The following TNIK variants were observed in gnomAD, a reference collection of about 807,000 sequenced individuals.
TNIK encodes the protein TRAF2 and NCK interacting kinase.
In TNIK, 49 loss-of-function variants were observed where a neutral mutation model predicts 191.3. The ratio of observed to expected loss-of-function variants is 0.26; its 90% CI spans 0.20 to 0.32. The LOEUF is 0.32. Ranked by LOEUF, TNIK falls within the 10% of genes least tolerant of loss-of-function variation. TNIK has a pLI of 1.00. For synonymous variants in TNIK, 594 were observed against 600.9 expected (o/e 0.99, Z 0.17); for missense variants, 1,155 against 1,702.3 (o/e 0.68, Z 5.66).
At chr3:171,196,685 T>A (rs980830589) in intron 4 of TNIK, among the ~76,000 whole-genome samples, 10 of 152,228 alleles carry the variant, frequency 6.6e-5, no homozygotes, top group South Asian at 2.1e-4. Context: ...TTAATTTTTT[T>A]AAAAAAAGAT....
At chr3:171,447,721 T>C (rs902641837) in intron 1 of TNIK, among the ~76,000 whole-genome samples, 11 of 152,248 alleles carry the variant, frequency 7.2e-5, no homozygotes, top group Non-Finnish European at 1.5e-4. Flanking sequence ...TCATACACTT[T>C]CATTCTAAAT....
intron 1 of TNIK, among the ~76,000 whole-genome samples, chr3:171,393,261 C>T (rs6801198): frequency 2.0e-5 from 3 of 152,092 alleles, no homozygotes; most frequent in South Asian, 2.1e-4. Flanking sequence ...TACAATCTCG[C>T]GGTCAGTGCA....
At chr3:171,206,843 G>A (rs1398228927) in intron 4 of TNIK, among the ~76,000 whole-genome samples, 1 of 151,988 alleles carries the variant, frequency 6.6e-6, no homozygotes, top group Non-Finnish European at 1.5e-5. Flanking sequence ...CTCAACCAAC[G>A]ATTCGTAAAT....
intron 2 of TNIK, among the ~76,000 whole-genome samples, chr3:171,318,254 T>C (rs1754842794): frequency 6.6e-6 from 1 of 152,136 alleles, no homozygotes; most frequent in African/African-American, 2.4e-5. Context: ...CATAATTATT[T>C]AACATGAGTG....
intron 2 of TNIK, among the ~76,000 whole-genome samples, chr3:171,358,159 G>A (rs1225064674): frequency 2.0e-5 from 3 of 152,172 alleles, no homozygotes. Flanking sequence ...TTAAGGTAAA[G>A]AGAAATCTCA....
At chr3:171,435,633 CA>C (rs1441331106) in intron 1 of TNIK, among the ~76,000 whole-genome samples, 15 of 152,108 alleles carry the variant, frequency 9.9e-5, no homozygotes, top group Non-Finnish European at 1.6e-4. Flanking sequence ...TTTTGACATC[CA>C]TTGAAATGAT....
chr3:171,209,650 C>T (rs771283540), intron 4 of TNIK, among the ~76,000 whole-genome samples: 2 of 151,954 alleles, frequency 1.3e-5, no homozygotes, highest in South Asian at 2.1e-4. Context: ...ACAATTAAAA[C>T]CTACTGTAAC....
intron 2 of TNIK, among the ~76,000 whole-genome samples, chr3:171,287,620 G>A (rs1057476300): frequency 6.6e-6 from 1 of 152,182 alleles, no homozygotes; most frequent in Admixed American, 6.5e-5. Context: ...AAGACTATAA[G>A]TTTTGATTCC....
intron 4 of TNIK, among the ~76,000 whole-genome samples, chr3:171,206,346 T>TATATATATATATATATAC: frequency 6.7e-6 from 1 of 150,032 alleles, no homozygotes; most frequent in Middle Eastern, 3.5e-3. Flanking sequence ...TATATATATA[T>TATATATATATATATATAC]ATATATATGG....
chr3:171,303,410 A>G (rs1404139445), intron 2 of TNIK, among the ~76,000 whole-genome samples: 5 of 152,222 alleles, frequency 3.3e-5, no homozygotes, highest in Non-Finnish European at 5.9e-5. Flanking sequence ...AAATTTTGAA[A>G]CACATATTTC....
At chr3:171,074,960 C>T (rs1012631639) in intron 28 of TNIK, among the ~76,000 whole-genome samples, 6 of 152,162 alleles carry the variant, frequency 3.9e-5, no homozygotes, top group African/African-American at 1.2e-4. Flanking sequence ...ATAGATCAGC[C>T]TACTGATGTT....
chr3:171,160,986 C>T (rs1733911164), intron 11 of TNIK, among the ~76,000 whole-genome samples: 1 of 152,152 alleles, frequency 6.6e-6, no homozygotes, highest in East Asian at 1.9e-4. Context: ...AGATAATTAG[C>T]CTTCTACCCA....
intron 2 of TNIK, among the ~76,000 whole-genome samples, chr3:171,279,814 A>G (rs1465844438): frequency 1.3e-5 from 2 of 152,190 alleles, no homozygotes; most frequent in East Asian, 3.8e-4. Context: ...ACTGAATTAC[A>G]GAGAGATTAT....
intron 24 of TNIK, 81 bp downstream of exon 24, chr3:171,087,261 C>T (rs1560090649): frequency 1.3e-6 from 2 of 1,563,884 alleles, no homozygotes; most frequent in Non-Finnish European, 1.7e-6. Flanking sequence ...CTTGGCGAAG[C>T]CTCATTCTTG....
In TNIK at chr3:171,459,873, G is replaced by C. The variant is rs1729258331; in HGVS notation, c.57+134C>G. Reference sequence around the variant, plus strand: ...ACCTCAGCAACCCCGAATCAAAACGGGAATCCAGGTTCCCTCCCCGACGCA... The same window carrying C: ...ACCTCAGCAACCCCGAATCAAAACGCGAATCCAGGTTCCCTCCCCGACGCA... On this transcript the variant is annotated intron_variant, in intron 1 of 32. Coordinates refer to ENST00000436636, the MANE Select transcript of TNIK (RefSeq NM_015028.4). 4 of 1,125,338 alleles carry C rather than the reference G, an allele frequency of 3.6e-6. No homozygotes were observed. The Admixed American group carries it at 6.4e-5, about 18-fold the overall frequency. The allele number at this position is 1,125,338 out of a possible 1,614,324, so 69.7% of individuals were successfully genotyped here.
chr3:171,156,918 C>A (rs894706319), intron 12 of TNIK, among the ~76,000 whole-genome samples: 1 of 152,190 alleles, frequency 6.6e-6, no homozygotes, highest in Non-Finnish European at 1.5e-5. Flanking sequence ...TAGTTAATAC[C>A]TATATTTCAC....
At chr3:171,292,044 T>C (rs1168695907) in intron 2 of TNIK, among the ~76,000 whole-genome samples, 9 of 152,228 alleles carry the variant, frequency 5.9e-5, no homozygotes, top group African/African-American at 2.2e-4. Context: ...AAATTTCAGA[T>C]ATTATTTTTA....
At chr3:171,185,926 G>T (rs184534373) in intron 7 of TNIK, among the ~76,000 whole-genome samples, 2 of 151,976 alleles carry the variant, frequency 1.3e-5, no homozygotes, top group Non-Finnish European at 2.9e-5. Context: ...ACACACTCTC[G>T]GCTGAAAGTG....
intron 21 of TNIK, among the ~76,000 whole-genome samples, chr3:171,106,384 T>G (rs1174797581): frequency 6.6e-6 from 1 of 152,176 alleles, no homozygotes; most frequent in Non-Finnish European, 1.5e-5. Context: ...GGAGCCAAGA[T>G]TTGAATGCAG....
Sources: gnomAD v4.1 joint callset for allele counts (sites outside exome capture counted in the v4.1 genomes callset) on GRCh38, gnomAD v4.1.1 for gene constraint, MANE v1.5 for transcripts, NCBI Gene and HGNC (gene_info 2026-07-23, HGNC 2026-07-21) for gene names.